Variants in SMYD3 observed in about 807,000 individuals in gnomAD.
The protein encoded by SMYD3 is histone-lysine N-methyltransferase SMYD3.
In SMYD3, 36 loss-of-function variants were observed where a neutral mutation model predicts 57.7. That is an observed-to-expected ratio of 0.62 (90% CI 0.48 to 0.82). The LOEUF (loss-of-function observed/expected upper bound fraction) is 0.82. SMYD3 is among the 40% of genes least tolerant of loss of function. The pLI, the probability that SMYD3 is intolerant of heterozygous loss-of-function variation, is 0.00. For synonymous variants in SMYD3, 211 were observed against 195.0 expected (o/e 1.08, Z -0.68); for missense variants, 515 against 538.8 (o/e 0.96, Z 0.44).
chr1:246,084,118 G>T (rs530268334), intron 5 of SMYD3, among the ~76,000 whole-genome samples: 1 of 150,718 alleles, frequency 6.6e-6, no homozygotes, highest in Admixed American at 6.6e-5. Context: ...GGATGTAAAT[G>T]ATTTTTGTGT....
intron 10 of SMYD3, among the ~76,000 whole-genome samples, chr1:245,800,713 G>GT (rs2047817009): frequency 8.6e-5 from 13 of 152,034 alleles, no homozygotes; most frequent in Admixed American, 7.2e-4. Context: ...AAAAGACTAA[G>GT]TTTTTTTTCC....
intron 5 of SMYD3, among the ~76,000 whole-genome samples, chr1:246,058,506 T>C (rs1413574111): frequency 6.6e-6 from 1 of 152,214 alleles, no homozygotes; most frequent in African/African-American, 2.4e-5. Context: ...TACGAAATAA[T>C]AAATGATTCA....
At chr1:245,947,829 AGATATCTCAGAATTAAT>A (rs1436090735) in intron 5 of SMYD3, among the ~76,000 whole-genome samples, 1 of 152,172 alleles carries the variant, frequency 6.6e-6, no homozygotes, top group Non-Finnish European at 1.5e-5. Flanking sequence ...ATTATAAATC[AGATATCTCAGAATTAAT>A]GAAATACAGT....
intron 1 of SMYD3, among the ~76,000 whole-genome samples, chr1:246,373,461 C>T (rs2066221954): frequency 6.6e-6 from 1 of 152,100 alleles, no homozygotes; most frequent in African/African-American, 2.4e-5. Flanking sequence ...TTATTTCTAA[C>T]TGGCATTAGC....
intron 5 of SMYD3, among the ~76,000 whole-genome samples, chr1:245,936,143 C>A (rs936865922): frequency 6.6e-6 from 1 of 152,016 alleles, no homozygotes; most frequent in African/African-American, 2.4e-5. Context: ...TAAATATATA[C>A]AATTGTTATT....
In SMYD3 at chr1:246,223,131, AC is replaced by A. The variant is rs76680474; in HGVS notation, c.531+104069del. Among the ~76,000 whole-genome samples the A allele has an allele frequency of 1.6e-3, 234 of 149,480 alleles. 2 individuals carry two copies. Among genetic ancestry groups the A allele is most frequent in the African/African-American group, 5.6e-3 (224 of 39,712 alleles). On this transcript the variant is annotated intron_variant, in intron 5 of 11. Coordinates refer to ENST00000490107, the MANE Select transcript of SMYD3 (RefSeq NM_001167740.2). ...ATCTGCCCAACTCCTTTGATTCAAGACAGGGAGGGGAACAGAGGTCTCCTCA... is the reference window on the plus strand; with the variant it reads ...ATCTGCCCAACTCCTTTGATTCAAGAAGGGAGGGGAACAGAGGTCTCCTCA...
At chr1:246,012,101 A>G (rs1348127958) in intron 5 of SMYD3, among the ~76,000 whole-genome samples, 1 of 152,162 alleles carries the variant, frequency 6.6e-6, no homozygotes, top group Non-Finnish European at 1.5e-5. Flanking sequence ...CAACGACACT[A>G]GCCCCAAGTA....
chr1:246,356,476 A>G (rs1474549541), intron 1 of SMYD3, among the ~76,000 whole-genome samples: 1 of 152,228 alleles, frequency 6.6e-6, no homozygotes, highest in Non-Finnish European at 1.5e-5. Context: ...AGAATTCAGA[A>G]GGTTAATTAT....
chr1:246,220,107 G>A (rs540654846), intron 5 of SMYD3, among the ~76,000 whole-genome samples: 6 of 152,040 alleles, frequency 3.9e-5, no homozygotes, highest in African/African-American at 9.7e-5. Flanking sequence ...TGGCATTTAC[G>A]TTCCTCTAAG....
intron 2 of SMYD3, among the ~76,000 whole-genome samples, chr1:246,346,915 A>T (rs375156039): frequency 2.6e-5 from 4 of 152,370 alleles, no homozygotes; most frequent in East Asian, 1.9e-4. Flanking sequence ...TAATATGCTA[A>T]GGATTCCAGT....
intron 1 of SMYD3, among the ~76,000 whole-genome samples, chr1:246,506,572 A>G (rs2068541726): frequency 6.6e-6 from 1 of 152,104 alleles, no homozygotes; most frequent in African/African-American, 2.4e-5. Flanking sequence ...AGACATCAAG[A>G]TTCTTCCACC....
intron 1 of SMYD3, among the ~76,000 whole-genome samples, chr1:246,381,866 C>T (rs2066391413): frequency 6.6e-6 from 1 of 151,920 alleles, no homozygotes; most frequent in African/African-American, 2.4e-5. Flanking sequence ...GCTCCTGTAG[C>T]CCCAGACCCC....
intron 5 of SMYD3, among the ~76,000 whole-genome samples, chr1:246,194,088 A>G (rs12068197): frequency 0.01 from 1,579 of 152,272 alleles, 30 homozygotes; most frequent in African/African-American, 0.036. Context: ...GGTTCCTCAT[A>G]CCATCATGAA....
Position 246,412,276 on chromosome 1 carries a change from G to C in SMYD3, c.165-57182C>G, listed in dbSNP as rs547978850. Among the ~76,000 whole-genome samples the C allele has an allele frequency of 3.6e-4, 55 of 152,280 alleles. 1 individual carries two copies. Among genetic ancestry groups the C allele is most frequent in the African/African-American group, 1.3e-3 (52 of 41,566 alleles). Reference sequence around the variant, plus strand: ...GATGCTAATCAATGACTGAACACAGGACTGCTGTCTCTCTCATTTCTCTGA... The same window carrying C: ...GATGCTAATCAATGACTGAACACAGCACTGCTGTCTCTCTCATTTCTCTGA... On this transcript the variant is annotated intron_variant, in intron 1 of 11. Coordinates refer to ENST00000490107, the MANE Select transcript of SMYD3 (RefSeq NM_001167740.2).
intron 1 of SMYD3, among the ~76,000 whole-genome samples, chr1:246,368,599 G>A (rs1010113433): frequency 2.6e-5 from 4 of 152,136 alleles, no homozygotes; most frequent in African/African-American, 9.7e-5. Flanking sequence ...CAACTTGATT[G>A]GATTGAAGGA....
intron 5 of SMYD3, among the ~76,000 whole-genome samples, chr1:246,229,364 G>A (rs953431696): frequency 6.6e-6 from 1 of 152,164 alleles, no homozygotes; most frequent in African/African-American, 2.4e-5. Flanking sequence ...GAATAAGTTT[G>A]TGATAGAAGG....
At chr1:246,000,868 TTATGACA>T (rs2059028123) in intron 5 of SMYD3, among the ~76,000 whole-genome samples, 1 of 152,322 alleles carries the variant, frequency 6.6e-6, no homozygotes, top group East Asian at 1.9e-4. Flanking sequence ...ACATCTTGAC[TTATGACA>T]TATGGAGTGT....
intron 10 of SMYD3, among the ~76,000 whole-genome samples, chr1:245,802,489 T>C (rs778517708): frequency 6.6e-6 from 1 of 152,230 alleles, no homozygotes; most frequent in East Asian, 1.9e-4. Flanking sequence ...TGAAAAATGA[T>C]TGGTTTTTTA....
chr1:246,452,231 G>A (rs2067643017), intron 1 of SMYD3, among the ~76,000 whole-genome samples: 1 of 152,148 alleles, frequency 6.6e-6, no homozygotes, highest in African/African-American at 2.4e-5. Context: ...GCGGGCCAGG[G>A]GCGGTGGCTC....
Sources: gnomAD v4.1 joint callset for allele counts (sites outside exome capture counted in the v4.1 genomes callset) on GRCh38, gnomAD v4.1.1 for gene constraint, MANE v1.5 for transcripts, NCBI Gene and HGNC (gene_info 2026-07-23, HGNC 2026-07-21) for gene names.